DNAJC17: variants seen among roughly 807,000 people sequenced by gnomAD.
DNAJC17 encodes the protein dnaJ homolog subfamily C member 17.
DNAJC17 carries 35 observed loss-of-function variants against 48.1 expected under a neutral mutation model. The observed-to-expected ratio is 0.73, with a 90% confidence interval of 0.56 to 0.96. The LOEUF (loss-of-function observed/expected upper bound fraction) is 0.96. Ranked by LOEUF, DNAJC17 falls within the 50% of genes least tolerant of loss-of-function variation. The pLI is 0.00. For missense variants in DNAJC17, 355 were observed against 377.1 expected, an observed-to-expected ratio of 0.94 and a Z score of 0.48; for synonymous variants, 117 against 142.7, an observed-to-expected ratio of 0.82 and a Z score of 1.28.
At chr15:40,806,379 C>T (rs1027864386) in intron 1 of DNAJC17, among the ~76,000 whole-genome samples, 4 of 151,762 alleles carry the variant, frequency 2.6e-5, no homozygotes, top group African/African-American at 9.7e-5. Context: ...CCACCACGCC[C>T]GGCTAATTTT....
chr15:40,801,230 C>G (rs1298702557), intron 1 of DNAJC17, among the ~76,000 whole-genome samples: 3 of 152,132 alleles, frequency 2.0e-5, no homozygotes, highest in Non-Finnish European at 4.4e-5. Context: ...AGTAGGAGTG[C>G]AGAGGGGATT....
chr15:40,773,148 C>A (rs962422465), intron 10 of DNAJC17, among the ~76,000 whole-genome samples: 1 of 152,008 alleles, frequency 6.6e-6, no homozygotes, highest in South Asian at 2.1e-4. Context: ...TTTGTAGAGA[C>A]GGGATTTCAC....
In DNAJC17 at chr15:40,770,490, G is replaced by A. The variant is rs1183172344; in HGVS notation, c.793-2428C>T. ...GAACACCTGTCTGCTGGCTCCCCTG[G>A]GCCCCATGGAGACCTGGCGGAAAGG... On this transcript the variant is annotated intron_variant, in intron 10 of 10. Transcript: ENST00000220496. The surrounding 1 kb of genome is among the most constrained non-coding windows in gnomAD (Gnocchi z 5.0). 6.5e-7 allele frequency: 1 copy of A among 1,546,612 alleles called. No individual in the cohort carries two copies. The highest frequency in any genetic ancestry group is 1.4e-5 in the African/African-American group (1 of 72,984).
chr15:40,798,122 T>C (rs1889984793), intron 1 of DNAJC17, among the ~76,000 whole-genome samples: 1 of 152,030 alleles, frequency 6.6e-6, no homozygotes, highest in African/African-American at 2.4e-5. Context: ...ATAAACAAAA[T>C]GTGGTATATA....
At chr15:40,780,752 T>C (rs995281455) in intron 1 of DNAJC17, among the ~76,000 whole-genome samples, 1 of 151,058 alleles carries the variant, frequency 6.6e-6, no homozygotes, top group African/African-American at 2.4e-5. Flanking sequence ...AGGCGGAGGT[T>C]GCAGTGAGCC....
chr15:40,775,250 T>C, intron 7 of DNAJC17, 142 bp from the exon 8 acceptor site: 1 of 956,354 alleles, frequency 1.0e-6, no homozygotes. Context: ...ACCAGAAACA[T>C]TTTCCCCTTG....
intron 1 of DNAJC17, among the ~76,000 whole-genome samples, chr15:40,795,400 A>AGAG (rs1889920629): frequency 6.6e-6 from 1 of 152,156 alleles, no homozygotes; most frequent in Non-Finnish European, 1.5e-5. Context: ...AAAAGATGGA[A>AGAG]ACAAACAAGA....
Position 40,779,976 on chromosome 15 carries a change from T to G in DNAJC17, c.100A>C (p.Lys34Gln). ...DKEVKKAYRQ[K>Q]ALSCHPDKNP... ...TTGTCTGGGTGGCAGGAGAGGGCCTTCTGCCTATACGCCTTCTTTACCTGG... is the reference window on the plus strand; with the variant it reads ...TTGTCTGGGTGGCAGGAGAGGGCCTGCTGCCTATACGCCTTCTTTACCTGG... Residue 34 changes from lysine (K) to glutamine (Q), a missense_variant, in exon 2 of 11, where the codon AAG (lysine) becomes CAG (glutamine). Lys to Gln is a moderately conservative substitution (Grantham distance 53). Transcript: ENST00000220496. 1 of 1,614,158 alleles carries G rather than the reference T, an allele frequency of 6.2e-7. No homozygotes were observed. The highest frequency in any genetic ancestry group is 8.5e-7 in the Non-Finnish European group (1 of 1,180,028).
chr15:40,806,409 G>A (rs1405423136), intron 1 of DNAJC17, among the ~76,000 whole-genome samples: 1 of 151,652 alleles, frequency 6.6e-6, no homozygotes, highest in Non-Finnish European at 1.5e-5. Context: ...AGTAGAGAAG[G>A]GGTTTCAGCA....
At chr15:40,784,648 A>C (rs941452934) in intron 1 of DNAJC17, among the ~76,000 whole-genome samples, 1 of 152,140 alleles carries the variant, frequency 6.6e-6, no homozygotes, top group African/African-American at 2.4e-5. Flanking sequence ...CCACAGAAAA[A>C]ACAGTGGACA....
chr15:40,802,537 G>A (rs187427783), intron 1 of DNAJC17, among the ~76,000 whole-genome samples: 1 of 152,250 alleles, frequency 6.6e-6, no homozygotes, highest in Non-Finnish European at 1.5e-5. Context: ...CAGGCAGATA[G>A]ATACACAGAT....
At chr15:40,800,680 TA>T (rs1890054250) in intron 1 of DNAJC17, among the ~76,000 whole-genome samples, 1 of 147,198 alleles carries the variant, frequency 6.8e-6, no homozygotes, top group South Asian at 2.3e-4. Context: ...TCTTAGCACA[TA>T]AGCCATTAAA....
intron 9 of DNAJC17, 66 bp downstream of exon 9, chr15:40,774,290 A>G (rs1356105778): frequency 1.3e-6 from 2 of 1,569,742 alleles, no homozygotes; most frequent in Admixed American, 3.4e-5. Context: ...GAGGGCCCAC[A>G]GAATTGGGTC....
At chr15:40,802,168 A>ATT (rs759016627) in intron 1 of DNAJC17, among the ~76,000 whole-genome samples, 33 of 133,984 alleles carry the variant, frequency 2.5e-4, no homozygotes, top group African/African-American at 2.3e-4. Flanking sequence ...AAAGAGTTCA[A>ATT]TTTTTTTTTT....
chr15:40,779,848 C>T (rs1596081600), intron 2 of DNAJC17, 80 bp downstream of exon 2: 1 of 1,485,482 alleles, frequency 6.7e-7, no homozygotes, highest in African/African-American at 1.4e-5. Flanking sequence ...CCACAGCACT[C>T]ACATGCAGAG....
chr15:40,802,823 C>T (rs966042076), intron 1 of DNAJC17, among the ~76,000 whole-genome samples: 1 of 152,134 alleles, frequency 6.6e-6, no homozygotes, highest in Non-Finnish European at 1.5e-5. Context: ...CCTCCTCTGG[C>T]CAGGCGTGGT....
At chr15:40,797,631 T>C (rs2141962327) in intron 1 of DNAJC17, among the ~76,000 whole-genome samples, 1 of 151,888 alleles carries the variant, frequency 6.6e-6, no homozygotes, top group South Asian at 2.1e-4. Flanking sequence ...AAGCTGGTCT[T>C]GAACTCCTGA....
At chr15:40,803,641 T>C (rs1196499515) in intron 1 of DNAJC17, among the ~76,000 whole-genome samples, 2 of 152,220 alleles carry the variant, frequency 1.3e-5, no homozygotes, top group African/African-American at 2.4e-5. Flanking sequence ...CCTTCTCTCC[T>C]GCCTTTATTC....
chr15:40,779,866 C>T (rs181275305), intron 2 of DNAJC17, 62 bp downstream of exon 2: 23 of 1,555,132 alleles, frequency 1.5e-5, no homozygotes, highest in South Asian at 8.0e-5. Flanking sequence ...GAGCTTACAT[C>T]GGGAAACACA....
Sources: gnomAD v4.1 joint callset for allele counts (sites outside exome capture counted in the v4.1 genomes callset) on GRCh38, gnomAD v4.1.1 for gene constraint, Gnocchi (gnomAD v3.1) non-coding constraint, MANE v1.5 for transcripts, NCBI Gene and HGNC (gene_info 2026-07-23, HGNC 2026-07-21) for gene names.